The following TMEM132C variants were observed in gnomAD, a reference collection of about 807,000 sequenced individuals.
TMEM132C encodes protein phosphatase 1, regulatory subunit 152.
Under a neutral mutation model 61.4 loss-of-function variants are expected in TMEM132C, and 29 were observed. The ratio of observed to expected loss-of-function variants is 0.47; its 90% CI spans 0.35 to 0.64. The LOEUF (loss-of-function observed/expected upper bound fraction) is 0.64, where lower values mean the gene tolerates loss of function less well. Ranked by LOEUF, TMEM132C falls within the 30% of genes least tolerant of loss-of-function variation. TMEM132C has a pLI of 0.00. For synonymous variants in TMEM132C, 656 were observed against 633.1 expected (o/e 1.04, Z -0.54); for missense variants, 1,408 against 1,476.9 (o/e 0.95, Z 0.76).
intron 1 of TMEM132C, among the ~76,000 whole-genome samples, chr12:128,310,347 T>C (rs1871927251): frequency 6.6e-6 from 1 of 152,170 alleles, no homozygotes; most frequent in African/African-American, 2.4e-5. Context: ...AAGAGATACC[T>C]GAGGCTGGGT....
At chr12:128,324,103 G>T (rs1284933727) in intron 1 of TMEM132C, among the ~76,000 whole-genome samples, 2 of 152,322 alleles carry the variant, frequency 1.3e-5, no homozygotes, top group Non-Finnish European at 2.9e-5. Context: ...TGCTTAGAGA[G>T]TCGCTGTGGG....
rs1555225553 is a variant in TMEM132C, at chr12:128,458,272, T to TCATAA, written c.974+42652_974+42653insCATAA. On this transcript the variant is annotated intron_variant, in intron 2 of 8. Transcript: ENST00000435159. ...AATATTTAGTATTATAATTATATAA[T>TCATAA]TATAATATTTAGTATTGTAATTATA... 3.0e-4 allele frequency among the ~76,000 whole-genome samples: 40 copies of TCATAA among 135,414 alleles called. No individual in the cohort carries two copies. In the East Asian group the frequency reaches 7.5e-3, roughly 25 times the overall value. The allele number at this position is 135,414 out of a possible 152,430, so 88.8% of individuals were successfully genotyped here.
intron 2 of TMEM132C, among the ~76,000 whole-genome samples, chr12:128,434,229 A>C (rs1245101745): frequency 6.6e-6 from 1 of 152,180 alleles, no homozygotes; most frequent in Non-Finnish European, 1.5e-5. Flanking sequence ...TACCAGAAAC[A>C]CCTGTTGAAA....
At chr12:128,576,946 A>C (rs1249806824) in intron 3 of TMEM132C, among the ~76,000 whole-genome samples, 1 of 134,510 alleles carries the variant, frequency 7.4e-6, no homozygotes, top group South Asian at 2.4e-4. Context: ...CATATTTAAA[A>C]TTCACCCTTT....
chr12:128,362,975 A>G (rs1195074072), intron 1 of TMEM132C, among the ~76,000 whole-genome samples: 1 of 152,238 alleles, frequency 6.6e-6, no homozygotes, highest in Non-Finnish European at 1.5e-5. Flanking sequence ...CATGAATTAA[A>G]TATCAAAAGA....
chr12:128,469,053 C>A (rs1053671348), intron 2 of TMEM132C, among the ~76,000 whole-genome samples: 1 of 152,144 alleles, frequency 6.6e-6, no homozygotes, highest in African/African-American at 2.4e-5. Flanking sequence ...AGCAACCATA[C>A]CGCTTGGTTG....
At position 128,292,032 on chromosome 12, in the gene TMEM132C, C is replaced by T. The variant is rs549903011; in HGVS notation, c.85+24545C>T. On this transcript the variant is annotated intron_variant, in intron 1 of 8. Coordinates refer to ENST00000435159, the MANE Select transcript of TMEM132C (RefSeq NM_001136103.3). ...CATTGTTCCTCCTCCCCTAGGGCTG[C>T]GGGGTGCCCTCCTGTCGCTGGTATC... 5.9e-5 allele frequency among the ~76,000 whole-genome samples: 9 copies of T among 152,234 alleles called. 1 individual carries two copies. In the South Asian group the frequency reaches 1.9e-3, roughly 32 times the overall value.
In TMEM132C at chr12:128,487,922, AAATT is replaced by A. The variant is rs779419319; in HGVS notation, c.975-56028_975-56025del. ...TAGCCATGTGTGGCTGCTTCCATTA[AAATT>A]AATTAAAACCAAACTTCAAAACACA... On this transcript the variant is annotated intron_variant, in intron 2 of 8. Transcript: ENST00000435159. 1.1e-4 allele frequency among the ~76,000 whole-genome samples: 16 copies of A among 152,304 alleles called. No homozygotes were observed. The East Asian group carries it at 2.7e-3, about 26-fold the overall frequency.
At chr12:128,444,098 T>G (rs1869887705) in intron 2 of TMEM132C, among the ~76,000 whole-genome samples, 1 of 152,106 alleles carries the variant, frequency 6.6e-6, no homozygotes, top group Admixed American at 6.5e-5. Context: ...TAATTAAATT[T>G]TTTGTAGGAT....
chr12:128,639,007 ATGATGGTGG>A (rs144129066), intron 4 of TMEM132C, among the ~76,000 whole-genome samples: 10,677 of 47,694 alleles, frequency 0.22, 896 homozygotes, highest in African/African-American at 0.3. Context: ...GGTGGTGATG[ATGATGGTGG>A]TGATGGTGAT....
chr12:128,705,090 G>A lies in TMEM132C; in HGVS notation c.2122G>A (p.Glu708Lys). ...AEEVLRTPKQ[E>K]AVFSTWLQFS... ...CTTCTAACTGCCTGTGTCCCTGCAG[G>A]AGGCTGTATTCAGCACGTGGCTGCA... Residue 708 changes from glutamate (E) to lysine (K), a missense_variant and splice_region_variant, in exon 9 of 9, where the codon GAG becomes AAG. Glu to Lys is a moderately conservative substitution (Grantham distance 56, BLOSUM62 1). Coordinates refer to ENST00000435159, the MANE Select transcript of TMEM132C (RefSeq NM_001136103.3). 6.6e-7 allele frequency: 1 copy of A among 1,525,214 alleles called. No individual in the cohort carries two copies. The highest frequency in any genetic ancestry group is 8.9e-7 in the Non-Finnish European group (1 of 1,128,584). 94.5% of individuals were successfully genotyped at this position (1,525,214 alleles called of 1,614,324 possible).
rs550774481 is a variant in TMEM132C at position 128,636,411 on chromosome 12, CAT to C, written c.1305+20077_1305+20078del. On this transcript the variant is annotated intron_variant, in intron 4 of 8. Coordinates refer to ENST00000435159, the MANE Select transcript of TMEM132C (RefSeq NM_001136103.3). ...ATAATTGATGTATCAAAAATCTGCA[CAT>C]GTTTAATGTACACAATTTCATCAAT... 2.0e-3 allele frequency among the ~76,000 whole-genome samples: 301 copies of C among 152,276 alleles called. 2 individuals carry two copies. The highest frequency in any genetic ancestry group is 6.7e-3 in the African/African-American group (280 of 41,546).
rs1047246196 is a variant in TMEM132C at position 128,570,608 on chromosome 12, A to G, written c.1121+26505A>G. Among the ~76,000 whole-genome samples, 9 of 151,916 alleles carry G rather than the reference A, an allele frequency of 5.9e-5. No individual in the cohort carries two copies. The highest frequency in any genetic ancestry group is 2.2e-4 in the African/African-American group (9 of 41,340). The stretch of plus-strand genomic sequence containing the variant: ...GCTAGGGTTAGGCTGTGGCTGGCTC[A>G]GTGTCTCCACAACGCCAGGGGACCC... On this transcript the variant is annotated intron_variant, in intron 3 of 8. Transcript: ENST00000435159. This position sits in a 1 kb window ranked among gnomAD's most constrained non-coding sequence, Gnocchi z 4.7.
chr12:128,461,494 C>CT (rs1870533773), intron 2 of TMEM132C, among the ~76,000 whole-genome samples: 1 of 148,282 alleles, frequency 6.7e-6, no homozygotes, highest in African/African-American at 2.5e-5. Flanking sequence ...GGCCTGAAGA[C>CT]TGTCAGTGGG....
chr12:128,318,181 A>G (rs1394954031), intron 1 of TMEM132C, among the ~76,000 whole-genome samples: 1 of 152,220 alleles, frequency 6.6e-6, no homozygotes, highest in Non-Finnish European at 1.5e-5. Context: ...AAAAATACTG[A>G]ACTTGACTTG....
intron 1 of TMEM132C, among the ~76,000 whole-genome samples, chr12:128,347,250 A>G (rs1165564555): frequency 6.6e-6 from 1 of 152,146 alleles, no homozygotes; most frequent in African/African-American, 2.4e-5. Context: ...TGCAAAGACC[A>G]TTATTTTGTT....
chr12:128,516,943 C>T lies in TMEM132C; in HGVS notation c.975-27014C>T, dbSNP rs149190656. ...ACAATTTTGTAAAGATTGAACTTGC[C>T]GGGCATGGTGGCTCACGCCTGTAAT... is the stretch of plus-strand genomic sequence containing the variant. On this transcript the variant is annotated intron_variant, in intron 2 of 8. Coordinates refer to ENST00000435159, the MANE Select transcript of TMEM132C (RefSeq NM_001136103.3). Among the ~76,000 whole-genome samples, 36 of 151,512 alleles carry T rather than the reference C, an allele frequency of 2.4e-4. 1 individual carries two copies. Among genetic ancestry groups the T allele is most frequent in the South Asian group, 6.3e-4 (3 of 4,766 alleles).
intron 1 of TMEM132C, among the ~76,000 whole-genome samples, chr12:128,310,554 C>T (rs1056335482): frequency 3.3e-5 from 5 of 152,022 alleles, no homozygotes; most frequent in Admixed American, 6.6e-5. Context: ...GGGTTTGCCA[C>T]ACGCTATTAC....
intron 1 of TMEM132C, among the ~76,000 whole-genome samples, chr12:128,271,333 T>C (rs994292545): frequency 1.3e-5 from 2 of 150,586 alleles, no homozygotes; most frequent in Admixed American, 1.3e-4. Context: ...AATGGGATCA[T>C]TCACATAAAA....
Sources: allele counts gnomAD v4.1 joint callset (sites outside exome capture counted in the v4.1 genomes callset), GRCh38; gene constraint gnomAD v4.1.1; non-coding constraint Gnocchi (gnomAD v3.1); transcripts MANE v1.5; gene names NCBI Gene and HGNC (gene_info 2026-07-23, HGNC 2026-07-21).